AGBL1: variants seen among roughly 807,000 people sequenced by gnomAD.
AGBL1 encodes cytosolic carboxypeptidase 4.
AGBL1 carries 130 observed loss-of-function variants against 118.9 expected under a neutral mutation model. That is an observed-to-expected ratio of 1.09 (90% CI 0.95 to 1.26). The LOEUF is 1.26. Ranked by LOEUF, AGBL1 falls within the 50% of genes most tolerant of loss-of-function variation. AGBL1 has a pLI of 0.00. For missense variants in AGBL1, 1,584 were observed against 1,298.1 expected (o/e 1.22, Z -3.38); for synonymous variants, 555 against 478.9 (o/e 1.16, Z -2.08).
At chr15:86,799,428 G>A (rs181526344) in intron 22 of AGBL1, among the ~76,000 whole-genome samples, 77 of 152,222 alleles carry the variant, frequency 5.1e-4, no homozygotes, top group Non-Finnish European at 8.4e-4. Context: ...GGTGTTAAGA[G>A]ATGAATCCAG....
chr15:86,344,744 G>A (rs1423243464), intron 17 of AGBL1, among the ~76,000 whole-genome samples: 1 of 151,988 alleles, frequency 6.6e-6, no homozygotes, highest in Non-Finnish European at 1.5e-5. Flanking sequence ...AAGGCACCTT[G>A]CTCAGCATGA....
intron 22 of AGBL1, among the ~76,000 whole-genome samples, chr15:86,862,674 C>G (rs148978175): frequency 6.6e-6 from 1 of 152,124 alleles, no homozygotes. Flanking sequence ...GAGCTGAGAT[C>G]GCGCCATTGC....
intron 1 of AGBL1, among the ~76,000 whole-genome samples, chr15:86,084,385 A>G (rs1313270271): frequency 1.3e-5 from 2 of 152,188 alleles, no homozygotes; most frequent in Admixed American, 6.5e-5. Flanking sequence ...TACCTCCACT[A>G]CTTAACTTTC....
chr15:87,021,150 G>A (rs1195381665), intron 24 of AGBL1, among the ~76,000 whole-genome samples: 2 of 152,108 alleles, frequency 1.3e-5, no homozygotes, highest in African/African-American at 2.4e-5. Context: ...TAAAAGAACA[G>A]ACACATAGAC....
rs143780842 is a variant in AGBL1, at chr15:86,137,556, G to A, written c.52-4448G>A. On this transcript the variant is annotated intron_variant, in intron 1 of 22. Transcript: ENST00000614907. The stretch of plus-strand genomic sequence containing the variant: ...AGGACCCAAAATTGTGTCTTCATAC[G>A]GCAATGTCCAAACACAGGAAATATT... Among the ~76,000 whole-genome samples, 15 of 152,118 alleles carry A rather than the reference G, an allele frequency of 9.9e-5. No individual in the cohort carries two copies. In the East Asian group the frequency reaches 2.9e-3, roughly 29 times the overall value.
chr15:86,955,448 A>G (rs1339118127), intron 23 of AGBL1, among the ~76,000 whole-genome samples: 1 of 152,080 alleles, frequency 6.6e-6, no homozygotes, highest in Non-Finnish European at 1.5e-5. Flanking sequence ...CTCAAGATGG[A>G]AGAAATAGAA....
chr15:86,482,016 G>A (rs1239188708), intron 18 of AGBL1, among the ~76,000 whole-genome samples: 1 of 152,134 alleles, frequency 6.6e-6, no homozygotes, highest in Non-Finnish European at 1.5e-5. Flanking sequence ...GATAAGTCCA[G>A]TAGTCTGCTG....
chr15:86,535,055 A>G (rs912616942), intron 19 of AGBL1, among the ~76,000 whole-genome samples: 1 of 152,236 alleles, frequency 6.6e-6, no homozygotes, highest in African/African-American at 2.4e-5. Flanking sequence ...AAATTAAAGC[A>G]AAGTCACAGA....
At chr15:86,266,266 C>T (rs991462836) in intron 11 of AGBL1, 108 bp from the exon 12 acceptor site, 7 of 679,140 alleles carry the variant, frequency 1.0e-5, no homozygotes, top group African/African-American at 1.8e-5. Flanking sequence ...CTTCTCTGTG[C>T]TTTCATATTT....
At chr15:86,307,233 T>A (rs962994347) in intron 17 of AGBL1, among the ~76,000 whole-genome samples, 1 of 152,216 alleles carries the variant, frequency 6.6e-6, no homozygotes, top group Admixed American at 6.5e-5. Context: ...ATTGTTTATT[T>A]TTAAAATCAT....
At chr15:86,295,181 G>A in intron 16 of AGBL1, 74 bp from the exon 17 acceptor site, 1 of 1,499,396 alleles carries the variant, frequency 6.7e-7, no homozygotes, top group Non-Finnish European at 9.1e-7. Context: ...CTATATGTAA[G>A]CCGTTGTTGT....
chr15:86,780,899 C>T (rs1380122778), intron 22 of AGBL1, among the ~76,000 whole-genome samples: 1 of 152,068 alleles, frequency 6.6e-6, no homozygotes, highest in Admixed American at 6.6e-5. Context: ...AACTCCTGAC[C>T]TCAGGTGATC....
At chr15:86,987,741 C>G (rs1238400315) in intron 23 of AGBL1, among the ~76,000 whole-genome samples, 1 of 152,038 alleles carries the variant, frequency 6.6e-6, no homozygotes, top group Non-Finnish European at 1.5e-5. Flanking sequence ...GATAGTCACT[C>G]TTAATTTTTT....
intron 21 of AGBL1, among the ~76,000 whole-genome samples, chr15:86,568,629 C>G (rs2083954905): frequency 6.6e-6 from 1 of 152,206 alleles, no homozygotes; most frequent in African/African-American, 2.4e-5. Context: ...CTCTGTCTCA[C>G]AAGTGGTGGT....
At chr15:86,159,173 A>G in intron 5 of AGBL1, 147 bp downstream of exon 5, 1 of 719,230 alleles carries the variant, frequency 1.4e-6, no homozygotes. Flanking sequence ...ATCCTTTCTC[A>G]GTTTACATCC....
chr15:86,182,279 C>T (rs1306833608), intron 5 of AGBL1, among the ~76,000 whole-genome samples: 1 of 151,800 alleles, frequency 6.6e-6, no homozygotes, highest in African/African-American at 2.4e-5. Flanking sequence ...CTCTTCCTCC[C>T]TTCCTCTCTT....
At chr15:86,698,414 A>T (rs907092711) in intron 22 of AGBL1, among the ~76,000 whole-genome samples, 1 of 151,998 alleles carries the variant, frequency 6.6e-6, no homozygotes, top group South Asian at 2.1e-4. Flanking sequence ...TTGCCTCAGT[A>T]CGAATAAGGA....
At chr15:86,689,105 C>T (rs931093613) in intron 22 of AGBL1, among the ~76,000 whole-genome samples, 12 of 152,212 alleles carry the variant, frequency 7.9e-5, no homozygotes, top group South Asian at 2.1e-4. Context: ...ACCTGGATGT[C>T]GACCAGATAT....
chr15:86,425,473 G>A (rs1327601622), intron 18 of AGBL1, among the ~76,000 whole-genome samples: 1 of 152,010 alleles, frequency 6.6e-6, no homozygotes, highest in Non-Finnish European at 1.5e-5. Context: ...AACCACCATG[G>A]CATGTGTATA....
Sources: gnomAD v4.1 joint callset for allele counts (sites outside exome capture counted in the v4.1 genomes callset) on GRCh38, gnomAD v4.1.1 for gene constraint, MANE v1.5 for transcripts, NCBI Gene and HGNC (gene_info 2026-07-23, HGNC 2026-07-21) for gene names.